The following NREP variants were observed in gnomAD, a reference collection of about 807,000 sequenced individuals.
NREP encodes neuronal regeneration-related protein.
NREP carries 5 observed loss-of-function variants against 8.6 expected under a neutral mutation model. That is an observed-to-expected ratio of 0.58 (90% CI 0.30 to 1.22). The LOEUF is 1.22. NREP is among the 50% of genes most tolerant of loss of function. The pLI, the probability that NREP is intolerant of heterozygous loss-of-function variation, is 0.07. For missense variants in NREP, 86 were observed against 82.5 expected (o/e 1.04, Z -0.17); for synonymous variants, 27 against 28.0 (o/e 0.96, Z 0.11).
At chr5:111,948,611 G>A (rs745779412) in intron 2 of NREP, among the ~76,000 whole-genome samples, 2 of 152,086 alleles carry the variant, frequency 1.3e-5, no homozygotes, top group African/African-American at 2.4e-5. Flanking sequence ...GCAAAAGTGA[G>A]TTGGTTGTCC....
intron 2 of NREP, among the ~76,000 whole-genome samples, chr5:111,927,718 C>G (rs145987437): frequency 3.7e-4 from 57 of 152,284 alleles, no homozygotes; most frequent in African/African-American, 1.3e-3. Flanking sequence ...CAAGGCCTCA[C>G]AAGAGTAACT....
chr5:111,879,094 G>A (rs1428080037), intron 2 of NREP, among the ~76,000 whole-genome samples: 1 of 152,166 alleles, frequency 6.6e-6, no homozygotes, highest in African/African-American at 2.4e-5. Context: ...GAGTTCACTT[G>A]AAAGCTGGTT....
At chr5:111,815,100 G>C (rs1282930275) in intron 2 of NREP, among the ~76,000 whole-genome samples, 1 of 152,106 alleles carries the variant, frequency 6.6e-6, no homozygotes, top group Non-Finnish European at 1.5e-5. Context: ...CCAACTGTGT[G>C]GGGAAAAGTT....
Position 111,877,515 on chromosome 5 carries a change from T to C in NREP, c.135+97759A>G, listed in dbSNP as rs148056582. On this transcript the variant is annotated intron_variant, in intron 2 of 3. Coordinates refer to the NREP transcript ENST00000395634. ...CTTTAAGCAACTGACAGCAGGGAGA[T>C]TGGGAGTTGGTTGTGTTAGTTAATC... 3.9e-5 allele frequency among the ~76,000 whole-genome samples: 6 copies of C among 152,286 alleles called. No individual in the cohort carries two copies. In the East Asian group the frequency reaches 5.8e-4, roughly 15 times the overall value.
At chr5:111,850,979 T>C (rs1359809165) in intron 2 of NREP, among the ~76,000 whole-genome samples, 1 of 152,152 alleles carries the variant, frequency 6.6e-6, no homozygotes, top group East Asian at 1.9e-4. Flanking sequence ...GAAATAGAGA[T>C]AGTAAGAATT....
intron 2 of NREP, among the ~76,000 whole-genome samples, chr5:111,917,221 C>G (rs1755087320): frequency 6.6e-6 from 1 of 152,012 alleles, no homozygotes; most frequent in Non-Finnish European, 1.5e-5. Flanking sequence ...TAATTAATAG[C>G]CTACCAACCA....
chr5:111,827,254 C>T (rs1294765606), intron 2 of NREP, among the ~76,000 whole-genome samples: 1 of 152,142 alleles, frequency 6.6e-6, no homozygotes, highest in Non-Finnish European at 1.5e-5. Flanking sequence ...TGCTGCATAC[C>T]ATCAGTGTAA....
intron 2 of NREP, among the ~76,000 whole-genome samples, chr5:111,944,730 G>A (rs1755929201): frequency 6.6e-6 from 1 of 152,106 alleles, no homozygotes; most frequent in South Asian, 2.1e-4. Context: ...TGATTAGGAT[G>A]ACTTCAAGAT....
rs924552151 is a variant in NREP, at chr5:111,732,461, T to C, written c.82-1415A>G. 12 of 152,214 alleles carry C rather than the reference T, an allele frequency of 7.9e-5. No homozygotes were observed. The South Asian group carries it at 2.5e-3, about 32-fold the overall frequency. The allele number at this position is 152,214 out of a possible 1,614,324, so 9.4% of individuals were successfully genotyped here. Reference sequence around the variant, plus strand: ...CATGATGTACTTTAATATTCCAATCTTAGGTTGTGATTTTAGAGGTTGTTT... The same window carrying C: ...CATGATGTACTTTAATATTCCAATCCTAGGTTGTGATTTTAGAGGTTGTTT... On this transcript the variant is annotated intron_variant, in intron 3 of 3. Coordinates refer to ENST00000257435, the MANE Select transcript of NREP (RefSeq NM_004772.4).
chr5:111,822,942 C>A lies in NREP; in HGVS notation c.136-87435G>T, dbSNP rs539635421. ...AAAACTAAAAGCCATATGTTTTAGT[C>A]CATTTATGTTGCTGTAAAGGAATAC... On this transcript the variant is annotated intron_variant, in intron 2 of 3. Transcript: ENST00000395634. 2.0e-5 allele frequency among the ~76,000 whole-genome samples: 3 copies of A among 152,210 alleles called. No individual in the cohort carries two copies. The East Asian group carries it at 5.8e-4, about 29-fold the overall frequency.
At chr5:111,784,784 A>G (rs1394730924) in intron 2 of NREP, among the ~76,000 whole-genome samples, 1 of 152,192 alleles carries the variant, frequency 6.6e-6, no homozygotes, top group Non-Finnish European at 1.5e-5. Context: ...AGATTTTAGG[A>G]ATATGGATAT....
chr5:111,750,840 G>A (rs1018622628), intron 2 of NREP, among the ~76,000 whole-genome samples: 2 of 152,178 alleles, frequency 1.3e-5, no homozygotes, highest in Non-Finnish European at 2.9e-5. Context: ...CACACTGCCG[G>A]AGTGTGGCTC....
chr5:111,922,391 T>C (rs144217546), intron 2 of NREP, among the ~76,000 whole-genome samples: 38 of 152,270 alleles, frequency 2.5e-4, no homozygotes, highest in African/African-American at 8.4e-4. Flanking sequence ...TATTGATTAA[T>C]ACTGTTACTA....
intron 2 of NREP, among the ~76,000 whole-genome samples, chr5:111,886,617 A>G (rs1445607267): frequency 6.6e-6 from 1 of 151,054 alleles, no homozygotes; most frequent in African/African-American, 2.4e-5. Context: ...TGTGGCACAT[A>G]TACACCATGG....
chr5:111,809,738 C>T (rs939514254), intron 2 of NREP, among the ~76,000 whole-genome samples: 11 of 152,148 alleles, frequency 7.2e-5, no homozygotes, highest in African/African-American at 2.4e-4. Context: ...ACTAAATAAA[C>T]CTTTTTTTAA....
intron 2 of NREP, among the ~76,000 whole-genome samples, chr5:111,746,766 C>T (rs1750032152): frequency 6.6e-6 from 1 of 152,104 alleles, no homozygotes; most frequent in Non-Finnish European, 1.5e-5. Context: ...GCCACCAAAT[C>T]CCCGGAAGTC....
At chr5:111,832,733 C>G (rs962912675) in intron 2 of NREP, among the ~76,000 whole-genome samples, 1 of 152,224 alleles carries the variant, frequency 6.6e-6, no homozygotes, top group Non-Finnish European at 1.5e-5. Flanking sequence ...AAGGTCTCAG[C>G]TGCTACGCTT....
At chr5:111,866,014 G>A (rs1317339150) in intron 2 of NREP, among the ~76,000 whole-genome samples, 1 of 152,138 alleles carries the variant, frequency 6.6e-6, no homozygotes, top group African/African-American at 2.4e-5. Flanking sequence ...GCATTCCATT[G>A]CCTTAAAATG....
At chr5:111,889,025 GA>G (rs1240734600) in intron 2 of NREP, among the ~76,000 whole-genome samples, 1 of 152,206 alleles carries the variant, frequency 6.6e-6, no homozygotes, top group Non-Finnish European at 1.5e-5. Context: ...GCATGTCAGA[GA>G]AATTCTCACT....
Sources: gnomAD v4.1 joint callset for allele counts (sites outside exome capture counted in the v4.1 genomes callset) on GRCh38, gnomAD v4.1.1 for gene constraint, MANE v1.5 for transcripts, NCBI Gene and HGNC (gene_info 2026-07-23, HGNC 2026-07-21) for gene names.